The following AGTR1 variants were observed in gnomAD, a reference collection of about 807,000 sequenced individuals.
AGTR1 encodes type-1 angiotensin II receptor.
In AGTR1, 16 loss-of-function variants were observed where a neutral mutation model predicts 19.4. The ratio of observed to expected loss-of-function variants is 0.82; its 90% CI spans 0.56 to 1.25. AGTR1 has a LOEUF of 1.25. Among genes scored for constraint, AGTR1 ranks in the 50% most tolerant of loss-of-function variants. AGTR1 has a pLI of 0.00. For synonymous variants in AGTR1, 153 were observed against 154.9 expected, an observed-to-expected ratio of 0.99 and a Z score of 0.09; for missense variants, 373 against 431.9, an observed-to-expected ratio of 0.86 and a Z score of 1.21.
At position 148,716,164 on chromosome 3, in the gene AGTR1, C is replaced by T. The variant is rs1442443596; in HGVS notation, c.-48+8137C>T. On this transcript the variant is annotated intron_variant, in intron 2 of 2. Transcript: ENST00000349243. This position sits in a 1 kb window ranked among gnomAD's most constrained non-coding sequence, Gnocchi z 4.7. ...CAGCAAGGCCCTTTTCAGAGCACTC[C>T]ACCAGTGCCCTTGTCCTCCTGGGCA... 2.0e-5 allele frequency among the ~76,000 whole-genome samples: 3 copies of T among 152,142 alleles called. No individual in the cohort carries two copies. The highest frequency in any genetic ancestry group is 7.2e-5 in the African/African-American group (3 of 41,424).
At chr3:148,699,687 T>C (rs1469230276) in intron 1 of AGTR1, among the ~76,000 whole-genome samples, 1 of 152,218 alleles carries the variant, frequency 6.6e-6, no homozygotes, top group Non-Finnish European at 1.5e-5. Context: ...TGCTTTAAAA[T>C]AAAAGTCTAA....
At chr3:148,735,758 G>C (rs1055486346) in intron 2 of AGTR1, among the ~76,000 whole-genome samples, 1 of 152,130 alleles carries the variant, frequency 6.6e-6, no homozygotes, top group East Asian at 1.9e-4. Context: ...GGCCTTACTT[G>C]GCAGAGAGAG....
intron 2 of AGTR1, among the ~76,000 whole-genome samples, chr3:148,711,311 A>G (rs1241141728): frequency 6.6e-6 from 1 of 152,174 alleles, no homozygotes; most frequent in Non-Finnish European, 1.5e-5. Flanking sequence ...TATAAGGCAA[A>G]AAATTAAAAA....
chr3:148,722,281 A>T (rs904448192), intron 2 of AGTR1, among the ~76,000 whole-genome samples: 5 of 152,248 alleles, frequency 3.3e-5, no homozygotes, highest in Admixed American at 6.5e-5. Flanking sequence ...ACTATTTCAT[A>T]TGTTCAAAAT....
intron 2 of AGTR1, among the ~76,000 whole-genome samples, chr3:148,728,036 A>G (rs1195175181): frequency 7.2e-5 from 11 of 152,174 alleles, no homozygotes; most frequent in Admixed American, 7.2e-4. Context: ...CACATTGGGA[A>G]AATCAAAAAT....
chr3:148,723,923 CTG>C (rs1345256451), intron 2 of AGTR1, among the ~76,000 whole-genome samples: 2 of 152,150 alleles, frequency 1.3e-5, no homozygotes, highest in Admixed American at 6.5e-5. Flanking sequence ...CAACATCTTT[CTG>C]GGGCTTGGAG....
intron 2 of AGTR1, chr3:148,730,448 C>T (rs1414601909): frequency 2.7e-6 from 1 of 369,526 alleles, no homozygotes; most frequent in African/African-American, 2.1e-5. Flanking sequence ...TACTAGATGA[C>T]ATCCTGCTGG....
rs1327158479 is a variant in AGTR1 at position 148,741,583 on chromosome 3, A to G, written c.548A>G (p.His183Arg). 1.2e-6 allele frequency: 2 copies of G among 1,614,038 alleles called. No homozygotes were observed. The highest frequency in any genetic ancestry group is 1.7e-6 in the Non-Finnish European group (2 of 1,179,932). ...ACCAATATTACAGTTTGTGCTTTCCATTATGAGTCCCAAAATTCAACCCTC... is the reference window on the plus strand; with the variant it reads ...ACCAATATTACAGTTTGTGCTTTCCGTTATGAGTCCCAAAATTCAACCCTC... ...ENTNITVCAF[H>R]YESQNSTLPI... Residue 183 changes from histidine to arginine, a missense_variant, in exon 3 of 3, where the codon CAT becomes CGT. Coordinates refer to ENST00000349243, the MANE Select transcript of AGTR1 (RefSeq NM_000685.5).
chr3:148,712,930 C>T (rs942668418), intron 2 of AGTR1, among the ~76,000 whole-genome samples: 1 of 152,074 alleles, frequency 6.6e-6, no homozygotes, highest in Non-Finnish European at 1.5e-5. Context: ...AATGTATCAG[C>T]TGAGTTTGGG....
Position 148,717,104 on chromosome 3 carries a change from C to T in AGTR1, c.-48+9077C>T, listed in dbSNP as rs185248809. Among the ~76,000 whole-genome samples the T allele has an allele frequency of 9.4e-4, 140 of 149,618 alleles. 5 individuals carry two copies. Among genetic ancestry groups the T allele is most frequent in the Admixed American group, 6.0e-3 (91 of 15,164 alleles). On this transcript the variant is annotated intron_variant, in intron 2 of 2. Coordinates refer to ENST00000349243, the MANE Select transcript of AGTR1 (RefSeq NM_000685.5). ...CTGGTGCCCAGTACTGTTTCACACA[C>T]GTGGTTTTTCTTATCTATTGCTCAC... is the stretch of plus-strand genomic sequence containing the variant.
At chr3:148,711,140 T>G (rs971853118) in intron 2 of AGTR1, among the ~76,000 whole-genome samples, 1 of 152,142 alleles carries the variant, frequency 6.6e-6, no homozygotes, top group Non-Finnish European at 1.5e-5. Flanking sequence ...TAGTTTTTCA[T>G]TTTTCATCAA....
intron 2 of AGTR1, among the ~76,000 whole-genome samples, chr3:148,734,953 C>T (rs570858071): frequency 3.3e-5 from 5 of 152,066 alleles, no homozygotes; most frequent in Non-Finnish European, 2.9e-5. Flanking sequence ...ATGAAATGGA[C>T]GAAGCAGGCA....
chr3:148,730,873 T>G (rs1362634479), intron 2 of AGTR1, among the ~76,000 whole-genome samples: 5 of 152,158 alleles, frequency 3.3e-5, no homozygotes, highest in Non-Finnish European at 7.3e-5. Context: ...CTAGGGGACG[T>G]CTGTGAGTAA....
chr3:148,708,600 G>A (rs1043399356), intron 2 of AGTR1, among the ~76,000 whole-genome samples: 1 of 152,170 alleles, frequency 6.6e-6, no homozygotes, highest in African/African-American at 2.4e-5. Context: ...TGCCCTCTTA[G>A]CCTCTTTACA....
intron 2 of AGTR1, among the ~76,000 whole-genome samples, chr3:148,713,930 A>G (rs185092550): frequency 2.8e-4 from 43 of 152,286 alleles, no homozygotes; most frequent in Admixed American, 2.7e-3. Flanking sequence ...CCAAATCCCA[A>G]TGGCACTTCA....
intron 2 of AGTR1, among the ~76,000 whole-genome samples, chr3:148,725,513 T>C (rs1431148799): frequency 6.6e-6 from 1 of 152,206 alleles, no homozygotes; most frequent in Non-Finnish European, 1.5e-5. Context: ...TAAGTCTCAT[T>C]CTGCTGCCCA....
chr3:148,723,973 T>G (rs1713789283), intron 2 of AGTR1, among the ~76,000 whole-genome samples: 1 of 152,198 alleles, frequency 6.6e-6, no homozygotes, highest in African/African-American at 2.4e-5. Context: ...TTGGCCTGGA[T>G]CCTAAGTTTC....
At chr3:148,708,608 A>C (rs1712803368) in intron 2 of AGTR1, among the ~76,000 whole-genome samples, 1 of 152,178 alleles carries the variant, frequency 6.6e-6, no homozygotes, top group South Asian at 2.1e-4. Context: ...TAGCCTCTTT[A>C]CAGGCATGAG....
At position 148,742,329 on chromosome 3, in the gene AGTR1, C is replaced by A. The variant is rs1225985946; in HGVS notation, c.*214C>A. 1 of 703,052 alleles carries A rather than the reference C, an allele frequency of 1.4e-6. No homozygotes were observed. Among genetic ancestry groups the A allele is most frequent in the Non-Finnish European group, 2.6e-6 (1 of 389,510 alleles). The allele number at this position is 703,052 out of a possible 1,614,324, so 43.6% of individuals were successfully genotyped here. A position where few individuals can be genotyped will look rare whatever the true frequency, so the allele number is the denominator to read the frequency against. ...AAGCAAAGCCACATTTTGCATTAGA[C>A]AGATGACGGCTGCTCGAAGAACAAT... On this transcript the variant is annotated 3_prime_UTR_variant, in exon 3 of 3. Transcript: ENST00000349243.
Sources: allele counts gnomAD v4.1 joint callset (sites outside exome capture counted in the v4.1 genomes callset), GRCh38; gene constraint gnomAD v4.1.1; non-coding constraint Gnocchi (gnomAD v3.1); transcripts MANE v1.5; gene names NCBI Gene and HGNC (gene_info 2026-07-23, HGNC 2026-07-21).